Variants in NUMB observed in about 807,000 individuals in gnomAD.
NUMB encodes protein numb homolog.
In NUMB, 29 loss-of-function variants were observed where a neutral mutation model predicts 59.7. That is an observed-to-expected ratio of 0.49 (90% CI 0.36 to 0.66). The LOEUF is 0.66. Ranked by LOEUF, NUMB falls within the 30% of genes least tolerant of loss-of-function variation. The pLI is 0.00. For missense variants in NUMB, 723 were observed against 822.0 expected (o/e 0.88, Z 1.47); for synonymous variants, 288 against 288.2 (o/e 1.00, Z 0.01).
At chr14:73,293,680 C>T (rs1439243124) in intron 7 of NUMB, among the ~76,000 whole-genome samples, 9 of 152,192 alleles carry the variant, frequency 5.9e-5, no homozygotes, top group African/African-American at 1.7e-4. Context: ...CACGAGCCAC[C>T]GTGCCCAGCC....
intron 7 of NUMB, among the ~76,000 whole-genome samples, chr14:73,296,646 T>C (rs1889792514): frequency 6.6e-6 from 1 of 152,158 alleles, no homozygotes; most frequent in Non-Finnish European, 1.5e-5. Flanking sequence ...TTCAACAATA[T>C]AATACCCTTC....
intron 2 of NUMB, among the ~76,000 whole-genome samples, chr14:73,393,406 T>TAA (rs1275393435): frequency 6.6e-6 from 1 of 152,204 alleles, no homozygotes; most frequent in Non-Finnish European, 1.5e-5. Context: ...GTCAAGAACA[T>TAA]AAACTTTGGA....
At position 73,317,054 on chromosome 14, in the gene NUMB, C is replaced by T. The variant is rs142010287; in HGVS notation, c.202-632G>A. On this transcript the variant is annotated intron_variant, in intron 5 of 12. Transcript: ENST00000555238. ...TGACCATTGGCTTTCCATTTACTTA[C>T]ATTAGTATCAATCTATATGTACAGG... 7.0e-3 allele frequency among the ~76,000 whole-genome samples: 1,061 copies of T among 152,304 alleles called. 3 individuals are homozygous for T. Among genetic ancestry groups the T allele is most frequent in the Middle Eastern group, 0.068 (20 of 294 alleles).
Position 73,279,312 on chromosome 14 carries a change from A to G in NUMB, c.1209T>C (p.Ala403=), listed in dbSNP as rs1888439332. ...ETNPWAHAPD[A]ANKEIAATCS... Reference sequence around the variant, plus strand: ...ATGTGGCTGCAATTTCCTTGTTAGCAGCATCAGGGGCATGGGCCCAAGGGT... The same window carrying G: ...ATGTGGCTGCAATTTCCTTGTTAGCGGCATCAGGGGCATGGGCCCAAGGGT... The change falls in exon 12 of 13, where the codon GCT becomes GCC. Residue 403 remains alanine, a synonymous_variant. Coordinates refer to ENST00000555238, the MANE Select transcript of NUMB (RefSeq NM_001005743.2). 6.2e-7 allele frequency: 1 copy of G among 1,614,202 alleles called. No individual in the cohort carries two copies. The highest frequency in any genetic ancestry group is 2.2e-5 in the East Asian group (1 of 44,884).
chr14:73,431,782 C>A (rs1022238190), intron 1 of NUMB, among the ~76,000 whole-genome samples: 2 of 151,928 alleles, frequency 1.3e-5, no homozygotes, highest in Non-Finnish European at 2.9e-5. Flanking sequence ...TCATCAATTT[C>A]ATGTGGAATT....
At chr14:73,388,892 T>C (rs1895685742) in intron 2 of NUMB, among the ~76,000 whole-genome samples, 2 of 151,894 alleles carry the variant, frequency 1.3e-5, no homozygotes, top group East Asian at 3.9e-4. Flanking sequence ...GGTCAGGAGA[T>C]CAAGACCATC....
chr14:73,352,513 TATATATATATATATATG>T lies in NUMB; in HGVS notation c.126+3096_126+3112del, dbSNP rs1566756325. On this transcript the variant is annotated intron_variant, in intron 4 of 12. Transcript: ENST00000555238. ...ATATATATATATATATATATATATA[TATATATATATATATATG>T]TTTTTTTTTTTTTTTTTTTTTTGAG... Among the ~76,000 whole-genome samples, 38 of 23,928 alleles carry T rather than the reference TATATATATATATATATG, an allele frequency of 1.6e-3. 1 individual carries two copies. The highest frequency in any genetic ancestry group is 2.6e-3 in the Admixed American group (4 of 1,536). The allele number at this position is 23,928 out of a possible 152,430, so 15.7% of individuals were successfully genotyped here.
rs780557581 is a variant in NUMB at position 73,276,766 on chromosome 14, T to G, written c.1768A>C (p.Asn590His). Residue 590 changes from asparagine to histidine, a missense_variant, in exon 13 of 13, where the codon AAT becomes CAT. By Grantham distance (68) the Asn-to-His change is moderately conservative (BLOSUM62 1). This residue lies in a region of NUMB where 406 missense variants were observed against 385.4 expected (regional missense o/e 1.05). Coordinates refer to ENST00000555238, the MANE Select transcript of NUMB (RefSeq NM_001005743.2). ...AQHLNGSAAF[N>H]GVDDGRLASA... ...GCCAACCTGCCATCATCTACACCATTGAAAGCTGCAGAACCGTTGAGGTGC... is the reference window on the plus strand; with the variant it reads ...GCCAACCTGCCATCATCTACACCATGGAAAGCTGCAGAACCGTTGAGGTGC... The G allele has an allele frequency of 6.2e-7, 1 of 1,614,102 alleles. No homozygotes were observed. Among genetic ancestry groups the G allele is most frequent in the Non-Finnish European group, 8.5e-7 (1 of 1,180,012 alleles).
At chr14:73,297,411 A>C in intron 6 of NUMB, 126 bp from the exon 7 acceptor site, 1 of 630,486 alleles carries the variant, frequency 1.6e-6, no homozygotes, top group Middle Eastern at 3.1e-4. Context: ...GTCCAAGTTC[A>C]GGAGTGGTGC....
chr14:73,373,870 A>AT (rs1216751800), intron 2 of NUMB, among the ~76,000 whole-genome samples: 3 of 151,190 alleles, frequency 2.0e-5, no homozygotes, highest in Non-Finnish European at 4.4e-5. Context: ...TGCTTAGCTA[A>AT]TTTTTTTTCT....
At chr14:73,353,072 G>GTTTTTCTTTCTTT (rs71450219) in intron 4 of NUMB, among the ~76,000 whole-genome samples, 1 of 58,514 alleles carries the variant, frequency 1.7e-5, no homozygotes, top group African/African-American at 5.7e-5. Flanking sequence ...AGTTTTTCTT[G>GTTTTTCTTTCTTT]TTTTTTTTTT....
intron 7 of NUMB, among the ~76,000 whole-genome samples, chr14:73,293,293 A>C (rs1889521451): frequency 6.6e-6 from 1 of 151,932 alleles, no homozygotes; most frequent in African/African-American, 2.4e-5. Context: ...ACATACACAC[A>C]GTTCTGCACC....
intron 1 of NUMB, among the ~76,000 whole-genome samples, chr14:73,443,644 T>C (rs1218149622): frequency 6.0e-5 from 9 of 151,216 alleles, no homozygotes; most frequent in Non-Finnish European, 1.0e-4. Context: ...GATTGATCGA[T>C]TGATGATTGA....
intron 1 of NUMB, among the ~76,000 whole-genome samples, chr14:73,453,609 CCT>C (rs1491263212): frequency 1.3e-5 from 2 of 150,614 alleles, no homozygotes; most frequent in African/African-American, 2.4e-5. Context: ...AACAAATTTT[CCT>C]TTTTTTTTTT....
chr14:73,415,723 T>C (rs1897101695), intron 1 of NUMB, among the ~76,000 whole-genome samples: 1 of 152,078 alleles, frequency 6.6e-6, no homozygotes, highest in African/African-American at 2.4e-5. Context: ...CTCCTCAGCC[T>C]CCCAAAGTGC....
chr14:73,450,472 G>GA (rs930282195), intron 1 of NUMB, among the ~76,000 whole-genome samples: 1 of 151,976 alleles, frequency 6.6e-6, no homozygotes, highest in Non-Finnish European at 1.5e-5. Context: ...TAGTTTGGAG[G>GA]AAAAAAAAGT....
In NUMB at chr14:73,295,759, G is replaced by A. The variant is rs550182818; in HGVS notation, c.309+1452C>T. On this transcript the variant is annotated intron_variant, in intron 7 of 12. Coordinates refer to ENST00000555238, the MANE Select transcript of NUMB (RefSeq NM_001005743.2). ...TTTCTTCCTGACTTTAGGTATTCTA[G>A]GAAATTTTAATTAACAATTAAATGT... Among the ~76,000 whole-genome samples, 10 of 151,754 alleles carry A rather than the reference G, an allele frequency of 6.6e-5. No individual in the cohort carries two copies. In the East Asian group the frequency reaches 1.7e-3, roughly 26 times the overall value.
At chr14:73,419,327 G>A (rs1377414320) in intron 1 of NUMB, among the ~76,000 whole-genome samples, 9 of 152,036 alleles carry the variant, frequency 5.9e-5, no homozygotes, top group Non-Finnish European at 1.0e-4. Context: ...TGGCTAACAC[G>A]GTGAAACCCG....
At chr14:73,326,225 C>A (rs1331589966) in intron 4 of NUMB, among the ~76,000 whole-genome samples, 2 of 152,194 alleles carry the variant, frequency 1.3e-5, no homozygotes, top group African/African-American at 4.8e-5. Context: ...GACAGCTGAA[C>A]TAATATACAG....
Sources: gnomAD v4.1 joint callset for allele counts (sites outside exome capture counted in the v4.1 genomes callset) on GRCh38, gnomAD v4.1.1 for gene constraint, gnomAD v4.1.1 regional missense constraint, MANE v1.5 for transcripts, NCBI Gene and HGNC (gene_info 2026-07-23, HGNC 2026-07-21) for gene names.